FANCM: variants seen among roughly 807,000 people sequenced by gnomAD.
FANCM encodes the protein FA complementation group M.
Under a neutral mutation model 199.5 loss-of-function variants are expected in FANCM, and 140 were observed. The observed-to-expected ratio is 0.70, with a 90% CI of 0.61 to 0.81. The LOEUF (loss-of-function observed/expected upper bound fraction) is 0.81, where lower values mean the gene tolerates loss of function less well. FANCM is among the 30% of genes least tolerant of loss of function. FANCM has a pLI of 0.00. For synonymous variants in FANCM, 840 were observed against 836.8 expected (o/e 1.00, Z -0.07); for missense variants, 2,410 against 2,421.4 (o/e 1.00, Z 0.10).
Position 45,183,787 on chromosome 14 carries a change from C to T in FANCM, c.4400C>T (p.Ser1467Phe). Residue 1467 changes from serine to phenylalanine, a missense_variant, in exon 17 of 23, where the codon TCT becomes TTT. Coordinates refer to ENST00000267430, the MANE Select transcript of FANCM (RefSeq NM_020937.4). Reference protein sequence around the residue: ...RFPINRSELSSSDESENFPKP... With the variant: ...RFPINRSELSFSDESENFPKP... ...GAATTATTATAGTCAGAATTATCAT[C>T]TAGTGATGAGAGTGAGAATTTTCCC... The T allele has an allele frequency of 6.2e-7, 1 of 1,606,498 alleles. No homozygotes were observed. The highest frequency in any genetic ancestry group is 8.5e-7 in the Non-Finnish European group (1 of 1,173,574).
intron 20 of FANCM, among the ~76,000 whole-genome samples, chr14:45,195,860 C>T (rs1339147847): frequency 2.6e-5 from 4 of 151,996 alleles, no homozygotes; most frequent in East Asian, 1.9e-4. Context: ...ACCTTCCATT[C>T]GTTTGTTTTT....
chr14:45,167,389 C>G (rs1377370124), intron 11 of FANCM: 13 of 511,332 alleles, frequency 2.5e-5, no homozygotes, highest in East Asian at 2.1e-4. Context: ...TAAACATACC[C>G]TACCAACCCA....
intron 17 of FANCM, 23 bp from the exon 18 acceptor site, chr14:45,185,194 G>T: frequency 6.7e-7 from 1 of 1,497,944 alleles, no homozygotes; most frequent in Non-Finnish European, 9.2e-7. Flanking sequence ...ATATCTTCAT[G>T]TTTTCTAATT....
At chr14:45,172,430 G>T (rs1888399714) in intron 12 of FANCM, among the ~76,000 whole-genome samples, 1 of 152,096 alleles carries the variant, frequency 6.6e-6, no homozygotes, top group Non-Finnish European at 1.5e-5. Flanking sequence ...TTTTGTATAA[G>T]GTGAGGGATG....
chr14:45,136,687 G>T, intron 1 of FANCM, 148 bp downstream of exon 1: 1 of 780,464 alleles, frequency 1.3e-6, no homozygotes, highest in Non-Finnish European at 2.2e-6. Context: ...GAATAGGGTT[G>T]CTTTATTCAA....
chr14:45,136,557 A>G lies in FANCM; in HGVS notation c.508+18A>G, dbSNP rs1163369990. 1.2e-6 allele frequency: 2 copies of G among 1,610,904 alleles called. No homozygotes were observed. The highest frequency in any genetic ancestry group is 2.7e-5 in the African/African-American group (2 of 74,872). ...AATGACAGGTATCTTAGACTGGACT[A>G]ATTTTGAAGTAAGAGCTGGGAATTC... On this transcript the variant is annotated intron_variant, in intron 1 of 22. Transcript: ENST00000267430.
chr14:45,183,394 T>G (rs527556992), intron 16 of FANCM, among the ~76,000 whole-genome samples: 132 of 152,280 alleles, frequency 8.7e-4, no homozygotes, highest in African/African-American at 3.1e-3. Context: ...TGGACTGATT[T>G]TGATGGCCAA....
rs571732689 is a variant in FANCM, at chr14:45,200,486, T to C, written c.*478T>C. On this transcript the variant is annotated 3_prime_UTR_variant, in exon 23 of 23. Transcript: ENST00000267430. ...GTGGGTTGTGAGATAAATGACCCAG[T>C]AACTAGGAAAGTAGAAAACTTAACT... 4 of 153,442 alleles carry C rather than the reference T, an allele frequency of 2.6e-5. No homozygotes were observed. The South Asian group carries it at 6.2e-4, about 24-fold the overall frequency. The allele number at this position is 153,442 out of a possible 1,614,324, so 9.5% of individuals were successfully genotyped here.
At chr14:45,183,501 C>T (rs1178944413) in intron 16 of FANCM, among the ~76,000 whole-genome samples, 1 of 151,770 alleles carries the variant, frequency 6.6e-6, no homozygotes, top group East Asian at 1.9e-4. Flanking sequence ...ATAGTGTTTG[C>T]AGAAAAAATA....
At chr14:45,137,331 C>A in intron 2 of FANCM, 90 bp downstream of exon 2, 2 of 1,000,542 alleles carry the variant, frequency 2.0e-6, no homozygotes, top group Non-Finnish European at 3.1e-6. Context: ...AAGTTATTGA[C>A]AATATTATTA....
intron 17 of FANCM, among the ~76,000 whole-genome samples, chr14:45,184,184 A>G (rs1157498009): frequency 3.3e-5 from 5 of 152,192 alleles, no homozygotes; most frequent in African/African-American, 7.2e-5. Flanking sequence ...AAAATATAGA[A>G]TTAGAAATTT....
rs747887646 is a variant in FANCM at position 45,183,908 on chromosome 14, CTTTT to C, written c.4515+11_4515+14del. The stretch of plus-strand genomic sequence containing the variant: ...AGAGACAGAGTCACTTAAAGGTAAT[CTTTT>C]TTTTAGTTTCTTTAAATATGTATGC... On this transcript the variant is annotated splice_region_variant and intron_variant, in intron 17 of 22. Coordinates refer to ENST00000267430, the MANE Select transcript of FANCM (RefSeq NM_020937.4). The C allele has an allele frequency of 4.4e-6, 7 of 1,602,320 alleles. No individual in the cohort carries two copies. Among genetic ancestry groups the C allele is most frequent in the Non-Finnish European group, 6.0e-6 (7 of 1,171,146 alleles).
intron 3 of FANCM, among the ~76,000 whole-genome samples, chr14:45,140,917 T>A (rs1195201867): frequency 6.6e-6 from 1 of 152,082 alleles, no homozygotes; most frequent in East Asian, 1.9e-4. Flanking sequence ...CACACATCTG[T>A]AGTCCCAGCT....
chr14:45,197,942 T>C (rs1384503289), intron 21 of FANCM, among the ~76,000 whole-genome samples: 12 of 151,930 alleles, frequency 7.9e-5, no homozygotes, highest in Admixed American at 7.9e-4. Flanking sequence ...TTTTTTTTTA[T>C]ATTTTTTGTA....
chr14:45,164,688 C>A, intron 10 of FANCM, 123 bp downstream of exon 10: 1 of 777,054 alleles, frequency 1.3e-6, no homozygotes, highest in Non-Finnish European at 2.1e-6. Flanking sequence ...GTTTATTTTC[C>A]CCCACTTTGT....
intron 2 of FANCM, 168 bp downstream of exon 2, chr14:45,137,409 C>A: frequency 1.6e-6 from 1 of 628,584 alleles, no homozygotes; most frequent in Non-Finnish European, 2.8e-6. Flanking sequence ...TTCTGTCATC[C>A]ATTCAAATCA....
intron 14 of FANCM, among the ~76,000 whole-genome samples, chr14:45,177,531 A>G (rs1888790383): frequency 6.6e-6 from 1 of 152,084 alleles, no homozygotes; most frequent in Non-Finnish European, 1.5e-5. Flanking sequence ...AGCTGGGATT[A>G]TGGGCACCCA....
intron 4 of FANCM, among the ~76,000 whole-genome samples, chr14:45,149,741 C>T (rs1886687072): frequency 6.6e-6 from 1 of 152,056 alleles, no homozygotes; most frequent in Non-Finnish European, 1.5e-5. Flanking sequence ...CAGTGCTTTT[C>T]ATCTGGAAAT....
Position 45,175,806 on chromosome 14 carries a change from G to A in FANCM, c.3052G>A (p.Glu1018Lys), listed in dbSNP as rs747405660. Reference sequence around the variant, plus strand: ...TGAAATTGCTAAGGGTACTGCACTTGAGAATTTGCTTTTCTTACCCTGTGC... The same window carrying A: ...TGAAATTGCTAAGGGTACTGCACTTAAGAATTTGCTTTTCTTACCCTGTGC... The part of the protein sequence containing the change: ...EYEIAKGTAL[E>K]NLLFLPCAEH... Residue 1018 changes from glutamate to lysine, a missense_variant, in exon 14 of 23, where the codon GAG becomes AAG. Glu to Lys is a moderately conservative substitution (Grantham distance 56). Transcript: ENST00000267430. 3 of 1,613,840 alleles carry A rather than the reference G, an allele frequency of 1.9e-6. No individual in the cohort carries two copies. Among genetic ancestry groups the A allele is most frequent in the Admixed American group, 1.7e-5 (1 of 60,022 alleles).
Sources: allele counts gnomAD v4.1 joint callset (sites outside exome capture counted in the v4.1 genomes callset), GRCh38; gene constraint gnomAD v4.1.1; transcripts MANE v1.5; gene names NCBI Gene and HGNC (gene_info 2026-07-23, HGNC 2026-07-21).